FRY: variants seen among roughly 807,000 people sequenced by gnomAD.
The protein encoded by FRY is protein furry homolog.
A neutral mutation model predicts 348.4 loss-of-function variants in FRY; 128 were observed. The observed-to-expected ratio is 0.37, with a 90% CI of 0.32 to 0.43. FRY has a LOEUF of 0.43. FRY is among the 20% of genes least tolerant of loss of function. The pLI, the probability that FRY is intolerant of heterozygous loss-of-function variation, is 1.00. For synonymous variants in FRY, 1,370 were observed against 1,374.7 expected, an observed-to-expected ratio of 1.00 and a Z score of 0.08; for missense variants, 2,736 against 3,695.2, an observed-to-expected ratio of 0.74 and a Z score of 6.73.
Position 32,150,331 on chromosome 13 carries a change from T to A in FRY, c.1479+497T>A, listed in dbSNP as rs1049457059. ...GGAGATGAGTATACAGTGGGCATCA[T>A]ACACAACATGGAGCAGTGGAGGCTG... On this transcript the variant is annotated intron_variant, in intron 14 of 60. Coordinates refer to ENST00000542859, the MANE Select transcript of FRY (RefSeq NM_023037.3). 2.0e-5 allele frequency among the ~76,000 whole-genome samples: 3 copies of A among 152,232 alleles called. No homozygotes were observed. In the East Asian group the frequency reaches 5.8e-4, roughly 29 times the overall value.
chr13:32,031,993 TCTTTTC>T (rs1210761194), intron 1 of FRY, 128 bp downstream of exon 1: 3 of 608,914 alleles, frequency 4.9e-6, no homozygotes, highest in South Asian at 3.7e-5. Context: ...TCTTTTCTTT[TCTTTTC>T]TCTTTCTTTC....
Position 32,263,284 on chromosome 13 carries a change from G to A in FRY, c.7779+809G>A, listed in dbSNP as rs1355036293. Among the ~76,000 whole-genome samples, 6 of 152,104 alleles carry A rather than the reference G, an allele frequency of 3.9e-5. No individual in the cohort carries two copies. In the East Asian group the frequency reaches 7.7e-4, roughly 20 times the overall value. On this transcript the variant is annotated intron_variant, in intron 53 of 60. Coordinates refer to ENST00000542859, the MANE Select transcript of FRY (RefSeq NM_023037.3). ...ATAAAATCGAAAAAATTTCATAAAAGTATATTCCTTCTGACATTTCTAATG... is the reference window on the plus strand; with the variant it reads ...ATAAAATCGAAAAAATTTCATAAAAATATATTCCTTCTGACATTTCTAATG...
At chr13:32,115,156 C>G (rs1465937439) in intron 3 of FRY, among the ~76,000 whole-genome samples, 4 of 152,102 alleles carry the variant, frequency 2.6e-5, no homozygotes, top group African/African-American at 9.7e-5. Context: ...AGAAAGAAAG[C>G]AATAAATATT....
chr13:32,096,847 T>C (rs1344800907), intron 2 of FRY, among the ~76,000 whole-genome samples: 1 of 129,864 alleles, frequency 7.7e-6, no homozygotes, highest in Non-Finnish European at 1.7e-5. Context: ...TGTGTAAAAA[T>C]AGTTAAGGAA....
chr13:32,288,595 A>C (rs932713193), intron 58 of FRY, among the ~76,000 whole-genome samples: 3 of 152,236 alleles, frequency 2.0e-5, no homozygotes, highest in Admixed American at 6.5e-5. Context: ...GATGGGAGGA[A>C]ACAGTTTTAA....
intron 1 of FRY, among the ~76,000 whole-genome samples, chr13:32,058,652 G>A (rs971689370): frequency 1.5e-4 from 23 of 152,168 alleles, no homozygotes; most frequent in African/African-American, 5.5e-4. Flanking sequence ...ATTTGACGGA[G>A]GAACAAGATT....
chr13:32,115,781 C>T (rs962076104), intron 3 of FRY, among the ~76,000 whole-genome samples: 18 of 151,754 alleles, frequency 1.2e-4, no homozygotes, highest in African/African-American at 4.1e-4. Flanking sequence ...TCTTAAATTC[C>T]CAGCCTCCTT....
chr13:32,094,690 C>T (rs1325469666), intron 2 of FRY, among the ~76,000 whole-genome samples: 1 of 152,142 alleles, frequency 6.6e-6, no homozygotes, highest in African/African-American at 2.4e-5. Context: ...GACAGGATCT[C>T]ATTTCTTTTT....
intron 18 of FRY, among the ~76,000 whole-genome samples, 181 bp from the exon 19 acceptor site, chr13:32,173,186 G>T (rs1371346279): frequency 6.6e-6 from 1 of 152,188 alleles, no homozygotes; most frequent in Admixed American, 6.5e-5. Flanking sequence ...CTGAAAGACA[G>T]AAGGGGATCT....
chr13:32,089,249 C>T (rs1422241984), intron 2 of FRY, among the ~76,000 whole-genome samples: 14 of 152,006 alleles, frequency 9.2e-5, no homozygotes, highest in Admixed American at 9.2e-4. Context: ...TTTACTGTTG[C>T]TTACATACAT....
At chr13:32,074,125 A>G (rs1429813601) in intron 1 of FRY, among the ~76,000 whole-genome samples, 1 of 152,230 alleles carries the variant, frequency 6.6e-6, no homozygotes, top group Non-Finnish European at 1.5e-5. Context: ...CGGAAAATGA[A>G]TGGGCCCTAA....
At chr13:32,133,721 TTATTA>T in intron 8 of FRY, among the ~76,000 whole-genome samples, 1 of 151,448 alleles carries the variant, frequency 6.6e-6, no homozygotes, top group Non-Finnish European at 1.5e-5. Flanking sequence ...TATTAACATG[TTATTA>T]TATTTAGCCT....
intron 4 of FRY, among the ~76,000 whole-genome samples, chr13:32,121,252 C>T (rs567728376): frequency 2.6e-5 from 4 of 152,244 alleles, no homozygotes; most frequent in African/African-American, 9.6e-5. Flanking sequence ...GTATCTTTTT[C>T]GAATAATGAC....
At position 32,208,958 on chromosome 13, in the gene FRY, TC is replaced by T; in HGVS notation, c.4126del (p.Leu1376SerfsTer20). ...ATCGAGCTGGTGGACAGCAGGCTCCTCCTCCCGGGGTCGAGCCCCAGCAGCC... is the reference window on the plus strand; with the variant it reads ...ATCGAGCTGGTGGACAGCAGGCTCCTCTCCCGGGGTCGAGCCCCAGCAGCC... ...HNIELVDSRL[L>X]LPGSSPSSPE... On this transcript the variant is annotated frameshift_variant, in exon 32 of 61. Transcript: ENST00000542859. LOFTEE classifies it high-confidence loss of function. 1.9e-6 allele frequency: 3 copies of T among 1,614,014 alleles called. No individual in the cohort carries two copies. The highest frequency in any genetic ancestry group is 2.5e-6 in the Non-Finnish European group (3 of 1,180,008).
chr13:32,161,416 G>T (rs1881437372), intron 17 of FRY, among the ~76,000 whole-genome samples, 165 bp downstream of exon 17: 1 of 152,140 alleles, frequency 6.6e-6, no homozygotes, highest in South Asian at 2.1e-4. Flanking sequence ...CATATTCAAG[G>T]GGTTTAAAAT....
At chr13:32,057,742 G>A (rs1593567157) in intron 1 of FRY, among the ~76,000 whole-genome samples, 1 of 152,106 alleles carries the variant, frequency 6.6e-6, no homozygotes, top group South Asian at 2.1e-4. Context: ...GGCAGATCAC[G>A]AGGTCAGGAG....
intron 41 of FRY, among the ~76,000 whole-genome samples, chr13:32,231,783 A>C (rs766540828): frequency 6.6e-6 from 1 of 152,242 alleles, no homozygotes; most frequent in Non-Finnish European, 1.5e-5. Context: ...CTCCTTTAGC[A>C]TTATGATACT....
chr13:32,291,805 G>A (rs1199543591), intron 59 of FRY, among the ~76,000 whole-genome samples: 2 of 152,200 alleles, frequency 1.3e-5, no homozygotes, highest in East Asian at 3.8e-4. Context: ...GGACGACTTT[G>A]AGAGGCTCAA....
rs117532242 is a variant in FRY at position 32,146,829 on chromosome 13, G to A, written c.1180-453G>A. 9.2e-3 allele frequency among the ~76,000 whole-genome samples: 1,406 copies of A among 152,280 alleles called. 13 individuals carry two copies. The highest frequency in any genetic ancestry group is 0.014 in the Non-Finnish European group (973 of 68,016). ...ATCTCAGGTTCTAGCACAGTACCTA[G>A]TACACATTAGTCTCAATAAATATTG... On this transcript the variant is annotated intron_variant, in intron 11 of 60. Transcript: ENST00000542859.
Sources: allele counts gnomAD v4.1 joint callset (sites outside exome capture counted in the v4.1 genomes callset), GRCh38; gene constraint gnomAD v4.1.1; transcripts MANE v1.5; gene names NCBI Gene and HGNC (gene_info 2026-07-23, HGNC 2026-07-21).